Variants in ITFG1 observed in about 807,000 individuals in gnomAD.
ITFG1 encodes T-cell immunomodulatory protein.
In ITFG1, 34 loss-of-function variants were observed where a neutral mutation model predicts 81.8. That is an observed-to-expected ratio of 0.42 (90% CI 0.32 to 0.55). The LOEUF is 0.55. Ranked by LOEUF, ITFG1 falls within the 20% of genes least tolerant of loss-of-function variation. The pLI, the probability that ITFG1 is intolerant of heterozygous loss-of-function variation, is 0.17. For missense variants in ITFG1, 672 were observed against 755.4 expected (o/e 0.89, Z 1.29); for synonymous variants, 285 against 270.6 (o/e 1.05, Z -0.52).
intron 13 of ITFG1, among the ~76,000 whole-genome samples, chr16:47,229,769 G>A (rs1965795520): frequency 6.6e-6 from 1 of 152,086 alleles, no homozygotes; most frequent in Admixed American, 6.6e-5. Flanking sequence ...TTACATTTCA[G>A]GGTCCTTCCT....
chr16:47,230,102 AT>A (rs1965798948), intron 13 of ITFG1, among the ~76,000 whole-genome samples: 1 of 152,194 alleles, frequency 6.6e-6, no homozygotes, highest in Non-Finnish European at 1.5e-5. Context: ...GGTTGCAGGC[AT>A]CCACTGGGGA....
At position 47,350,162 on chromosome 16, in the gene ITFG1, A is replaced by G. The variant is rs773240612; in HGVS notation, c.802+15626T>C. Among the ~76,000 whole-genome samples, 4 of 152,310 alleles carry G rather than the reference A, an allele frequency of 2.6e-5. No individual in the cohort carries two copies. In the South Asian group the frequency reaches 8.3e-4, roughly 32 times the overall value. On this transcript the variant is annotated intron_variant, in intron 8 of 17. Transcript: ENST00000320640. The stretch of plus-strand genomic sequence containing the variant: ...ATATCACAATTAAAAGAACTAGAGA[A>G]GCAAAGCAAACACATTCAAAAGCTA...
chr16:47,399,344 C>G (rs902961010), intron 6 of ITFG1, among the ~76,000 whole-genome samples: 1 of 152,134 alleles, frequency 6.6e-6, no homozygotes, highest in East Asian at 1.9e-4. Flanking sequence ...GAGGCCAAGG[C>G]GGGCAGATCA....
chr16:47,206,731 TGAA>T (rs1183406008), intron 14 of ITFG1, among the ~76,000 whole-genome samples: 2 of 152,228 alleles, frequency 1.3e-5, no homozygotes, highest in African/African-American at 4.8e-5. Flanking sequence ...TAGTAGTCCA[TGAA>T]GAAGTGCAGT....
intron 6 of ITFG1, among the ~76,000 whole-genome samples, chr16:47,380,584 T>C (rs897269253): frequency 1.3e-5 from 2 of 152,178 alleles, no homozygotes; most frequent in Admixed American, 6.5e-5. Context: ...GTTCTGCATG[T>C]ATTTGATCAA....
At chr16:47,296,047 C>T (rs1340358307) in intron 10 of ITFG1, among the ~76,000 whole-genome samples, 2 of 151,988 alleles carry the variant, frequency 1.3e-5, no homozygotes, top group Admixed American at 1.3e-4. Context: ...TACAGGCATG[C>T]ATCACCATGT....
chr16:47,440,950 A>G lies in ITFG1; in HGVS notation c.560+10446T>C, dbSNP rs1969240702. On this transcript the variant is annotated intron_variant, in intron 5 of 17. Transcript: ENST00000320640. ...CTGATAGACCGCTAGCAAGACTAATAAAGAAGAAAAGAGAGAAGAATCAAA... is the reference window on the plus strand; with the variant it reads ...CTGATAGACCGCTAGCAAGACTAATGAAGAAGAAAAGAGAGAAGAATCAAA... Among the ~76,000 whole-genome samples the G allele has an allele frequency of 2.0e-5, 3 of 152,186 alleles. No individual in the cohort carries two copies. In the South Asian group the frequency reaches 6.2e-4, roughly 31 times the overall value.
chr16:47,328,215 G>A (rs879120105), intron 8 of ITFG1, among the ~76,000 whole-genome samples: 7 of 151,970 alleles, frequency 4.6e-5, no homozygotes, highest in African/African-American at 7.3e-5. Context: ...GGAAACTATC[G>A]CAAGGTCAAA....
chr16:47,325,121 A>G (rs1967514272), intron 8 of ITFG1, among the ~76,000 whole-genome samples: 1 of 152,220 alleles, frequency 6.6e-6, no homozygotes, highest in African/African-American at 2.4e-5. Flanking sequence ...AACAGAAATT[A>G]TAACAAACTG....
chr16:47,389,247 G>T (rs976020392), intron 6 of ITFG1, among the ~76,000 whole-genome samples: 2 of 151,996 alleles, frequency 1.3e-5, no homozygotes, highest in African/African-American at 4.8e-5. Flanking sequence ...AGGAAAAAAT[G>T]GTGCAATTAG....
intron 14 of ITFG1, among the ~76,000 whole-genome samples, chr16:47,163,098 A>G (rs1964834930): frequency 1.3e-5 from 2 of 152,206 alleles, no homozygotes; most frequent in Non-Finnish European, 2.9e-5. Context: ...CACCGTGCTC[A>G]GCCAATGATT....
At chr16:47,343,129 T>C (rs915833859) in intron 8 of ITFG1, among the ~76,000 whole-genome samples, 5 of 152,110 alleles carry the variant, frequency 3.3e-5, no homozygotes, top group Non-Finnish European at 7.4e-5. Context: ...CAATATAGTA[T>C]TGGCATAAGA....
In ITFG1 at chr16:47,425,249, GC is replaced by G. The variant is rs556939418; in HGVS notation, c.655+3554del. 2.8e-4 allele frequency among the ~76,000 whole-genome samples: 42 copies of G among 152,358 alleles called. 1 individual carries two copies. The East Asian group carries it at 8.1e-3, about 29-fold the overall frequency. On this transcript the variant is annotated intron_variant, in intron 6 of 17. Transcript: ENST00000320640. ...ACTCCGTGGGTGTGGGACCCGTGGAGCCAGGCACGGGAAGGTATCTTCTGGT... is the reference window on the plus strand; with the variant it reads ...ACTCCGTGGGTGTGGGACCCGTGGAGCAGGCACGGGAAGGTATCTTCTGGT...
chr16:47,231,024 A>G (rs1965811741), intron 13 of ITFG1, among the ~76,000 whole-genome samples: 1 of 152,248 alleles, frequency 6.6e-6, no homozygotes, highest in Non-Finnish European at 1.5e-5. Context: ...TTGGGATTAC[A>G]GGCGTGAGCC....
At chr16:47,346,308 GA>G (rs1967854357) in intron 8 of ITFG1, among the ~76,000 whole-genome samples, 1 of 152,078 alleles carries the variant, frequency 6.6e-6, no homozygotes, top group Non-Finnish European at 1.5e-5. Flanking sequence ...AAATACATGG[GA>G]ATTAAACAAC....
intron 8 of ITFG1, among the ~76,000 whole-genome samples, chr16:47,336,683 G>A (rs1029036296): frequency 6.6e-6 from 1 of 152,208 alleles, no homozygotes; most frequent in Non-Finnish European, 1.5e-5. Flanking sequence ...GAAATTAGGG[G>A]TCGGGCATGG....
Position 47,311,264 on chromosome 16 carries a change from A to T in ITFG1, c.1046T>A (p.Val349Asp). 1 of 1,611,816 alleles carries T rather than the reference A, an allele frequency of 6.2e-7. No homozygotes were observed. Among genetic ancestry groups the T allele is most frequent in the South Asian group, 1.1e-5 (1 of 90,734 alleles). Residue 349 changes from valine to aspartate, a missense_variant, in exon 10 of 18, where the codon GTC (valine) becomes GAC (aspartate). By Grantham distance (152) the Val-to-Asp change is radical (BLOSUM62 -3). This residue lies in a region of ITFG1 where 560 missense variants were observed against 625.7 expected (regional missense o/e 0.90). Transcript: ENST00000320640. Reference sequence around the variant, plus strand: ...CCTTCCAGATGTGTTCTTTAGTATGACCAGAGCGTCTGGATAGCCATCCAT... The same window carrying T: ...CCTTCCAGATGTGTTCTTTAGTATGTCCAGAGCGTCTGGATAGCCATCCAT... ...YNMDGYPDAL[V>D]ILKNTSGSNQ...
At chr16:47,163,819 A>T (rs1964846100) in intron 14 of ITFG1, among the ~76,000 whole-genome samples, 1 of 151,872 alleles carries the variant, frequency 6.6e-6, no homozygotes, top group South Asian at 2.1e-4. Context: ...ATGGTTGTGA[A>T]GTGGTATCTC....
At chr16:47,304,391 CAG>C (rs1353987803) in intron 10 of ITFG1, among the ~76,000 whole-genome samples, 1 of 152,156 alleles carries the variant, frequency 6.6e-6, no homozygotes, top group East Asian at 1.9e-4. Flanking sequence ...CAAAAGGAAA[CAG>C]AAGTATAAGT....
Sources: allele counts gnomAD v4.1 joint callset (sites outside exome capture counted in the v4.1 genomes callset), GRCh38; gene constraint gnomAD v4.1.1; regional missense constraint gnomAD v4.1.1; transcripts MANE v1.5; gene names NCBI Gene and HGNC (gene_info 2026-07-23, HGNC 2026-07-21).